GTF2H4: variants seen among roughly 807,000 people sequenced by gnomAD.
GTF2H4 encodes the protein general transcription factor IIH subunit 4, also known as BTF2 p52.
In GTF2H4, 49 loss-of-function variants were observed where a neutral mutation model predicts 62.2. The ratio of observed to expected loss-of-function variants is 0.79; its 90% CI spans 0.63 to 1.00. The LOEUF (loss-of-function observed/expected upper bound fraction) is 1.00, where lower values mean the gene tolerates loss of function less well. Among genes scored for constraint, GTF2H4 ranks in the 50% least tolerant of loss-of-function variants. GTF2H4 has a pLI of 0.00. For synonymous variants in GTF2H4, 189 were observed against 233.8 expected, an observed-to-expected ratio of 0.81 and a Z score of 1.75; for missense variants, 479 against 587.8, an observed-to-expected ratio of 0.81 and a Z score of 1.91.
chr6:30,911,120 C>G lies in GTF2H4; in HGVS notation c.561-38C>G. 1 of 1,495,494 alleles carries G rather than the reference C, an allele frequency of 6.7e-7. No homozygotes were observed. Among genetic ancestry groups the G allele is most frequent in the Non-Finnish European group, 9.3e-7 (1 of 1,073,082 alleles). 92.6% of individuals were successfully genotyped at this position (1,495,494 alleles called of 1,614,324 possible). The stretch of plus-strand genomic sequence containing the variant: ...GACAAGTGGGGATAGTAGTCTTTCT[C>G]TGCATATCACCATCATTGTCCTGGT... On this transcript the variant is annotated intron_variant, in intron 6 of 13. Coordinates refer to ENST00000259895, the MANE Select transcript of GTF2H4 (RefSeq NM_001517.5). The surrounding 1 kb of genome is among the most constrained non-coding windows in gnomAD (Gnocchi z 4.3).
rs766921348 is a variant in GTF2H4, at chr6:30,910,866, T to A, written c.485T>A (p.Phe162Tyr). ...AEERWEVVLH[F>Y]MVGSPSAAVS... ...TCTGTTCTTCAGGTGGTCTTGCACT[T>A]CATGGTGGGCTCCCCCAGTGCAGCT... Residue 162 changes from phenylalanine (F) to tyrosine (Y), a missense_variant, in exon 6 of 14, where the codon TTC (phenylalanine) becomes TAC (tyrosine). Phe to Tyr is a conservative substitution (Grantham distance 22). Coordinates refer to ENST00000259895, the MANE Select transcript of GTF2H4 (RefSeq NM_001517.5). The surrounding 1 kb of genome is among the most constrained non-coding windows in gnomAD (Gnocchi z 4.7). 5.6e-6 allele frequency: 9 copies of A among 1,612,418 alleles called. No individual in the cohort carries two copies. In the South Asian group the frequency reaches 9.9e-5, roughly 18 times the overall value.
chr6:30,909,618 T>G lies in GTF2H4; in HGVS notation c.242+79T>G. The G allele has an allele frequency of 1.2e-6, 1 of 840,804 alleles. No individual in the cohort carries two copies. The highest frequency in any genetic ancestry group is 2.0e-6 in the Non-Finnish European group (1 of 503,576). 52.1% of individuals were successfully genotyped at this position (840,804 alleles called of 1,614,324 possible). ...TTCCTTGGAGCACTTCCAGGAAGTG[T>G]TAATAGATATATCACAAAACTTAAA... On this transcript the variant is annotated intron_variant, in intron 3 of 13. Transcript: ENST00000259895. This position sits in a 1 kb window ranked among gnomAD's most constrained non-coding sequence, Gnocchi z 4.3.
In GTF2H4 at chr6:30,911,435, G is replaced by A. The variant is rs762153930; in HGVS notation, c.677G>A (p.Arg226Gln). The A allele has an allele frequency of 7.4e-6, 12 of 1,613,374 alleles. No individual in the cohort carries two copies. The highest frequency in any genetic ancestry group is 1.7e-5 in the Admixed American group (1 of 60,016). Residue 226 changes from arginine (R) to glutamine (Q), a missense_variant, in exon 8 of 14, where the codon CGG becomes CAG. Arg to Gln is a conservative substitution (Grantham distance 43, BLOSUM62 1). Coordinates refer to ENST00000259895, the MANE Select transcript of GTF2H4 (RefSeq NM_001517.5). The surrounding 1 kb of genome is among the most constrained non-coding windows in gnomAD (Gnocchi z 4.3). ...MLQYLQTAQS[R>Q]GMDLVEILSF... ...TCTCTGCCTCTTTCTCCCTAGAGCC[G>A]GGGCATGGACCTGGTAGAGATTCTC...
chr6:30,913,255 G>A lies in GTF2H4; in HGVS notation c.1138-54G>A, dbSNP rs889960591. 1.9e-5 allele frequency: 31 copies of A among 1,612,278 alleles called. No individual in the cohort carries two copies. Among genetic ancestry groups the A allele is most frequent in the South Asian group, 9.9e-5 (9 of 90,978 alleles). On this transcript the variant is annotated intron_variant, in intron 12 of 13. Coordinates refer to ENST00000259895, the MANE Select transcript of GTF2H4 (RefSeq NM_001517.5). This position sits in a 1 kb window ranked among gnomAD's most constrained non-coding sequence, Gnocchi z 4.2. Reference sequence around the variant, plus strand: ...AAATCTGGGGAAGAAACAGAGGGCCGGGTTGTCTGGGGCAGTATTCTGAGT... The same window carrying A: ...AAATCTGGGGAAGAAACAGAGGGCCAGGTTGTCTGGGGCAGTATTCTGAGT...
chr6:30,913,127 G>A lies in GTF2H4; in HGVS notation c.1107G>A (p.Arg369=), dbSNP rs768314538. Residue 369 remains arginine, a synonymous_variant, in exon 12 of 14, where the codon AGG becomes AGA. Transcript: ENST00000259895. This position sits in a 1 kb window ranked among gnomAD's most constrained non-coding sequence, Gnocchi z 4.2. ...ITAQQIIHFL[R]TRAHPVMLKQ... is the part of the protein sequence containing the mutation. ...TTTCCTAGATAATCCATTTCCTAAG[G>A]ACAAGAGCCCACCCAGTGATGCTCA... 6.2e-7 allele frequency: 1 copy of A among 1,614,118 alleles called. No homozygotes were observed. Among genetic ancestry groups the A allele is most frequent in the South Asian group, 1.1e-5 (1 of 91,078 alleles).
intron 1 of GTF2H4, 60 bp from the exon 2 acceptor site, chr6:30,908,974 G>T (rs188259139): frequency 2.5e-6 from 4 of 1,596,648 alleles, no homozygotes; most frequent in Non-Finnish European, 3.4e-6. Context: ...CAGTTAGAAA[G>T]GTCAGGGGTG....
rs1161358363 is a variant in GTF2H4, at chr6:30,910,084, C to A, written c.374+21C>A. On this transcript the variant is annotated intron_variant, in intron 4 of 13. Coordinates refer to ENST00000259895, the MANE Select transcript of GTF2H4 (RefSeq NM_001517.5). The surrounding 1 kb of genome is among the most constrained non-coding windows in gnomAD (Gnocchi z 4.7). ...GGTGGGTATGTCACTTCTCTCTCTT[C>A]CTAAGCTAGGGCAGGGGAACTGCTG... 1 of 1,610,170 alleles carries A rather than the reference C, an allele frequency of 6.2e-7. No individual in the cohort carries two copies. The highest frequency in any genetic ancestry group is 2.2e-5 in the East Asian group (1 of 44,862).
Position 30,913,835 on chromosome 6 carries a change from C to T in GTF2H4, c.1241C>T (p.Ser414Leu), listed in dbSNP as rs1156489126. 6.3e-7 allele frequency: 1 copy of T among 1,599,416 alleles called. No homozygotes were observed. The highest frequency in any genetic ancestry group is 8.5e-7 in the Non-Finnish European group (1 of 1,172,362). The change falls in exon 14 of 14, where the codon TCG becomes TTG. Residue 414 changes from serine to leucine, a missense_variant. By Grantham distance (145) the Ser-to-Leu change is moderately radical. Transcript: ENST00000259895. This position sits in a 1 kb window ranked among gnomAD's most constrained non-coding sequence, Gnocchi z 4.2. ...GGTGTCCTGTATAACCAGTTCCTGT[C>T]GCAAGTGGACTTTGAGCTGCTGCTG... ...TEGVLYNQFL[S>L]QVDFELLLAH... is the part of the protein sequence containing the mutation.
At position 30,914,012 on chromosome 6, in the gene GTF2H4, C is replaced by CGGGAGGGACT; in HGVS notation, c.*32_*33insAGGGACTGGG. The CGGGAGGGACT allele has an allele frequency of 1.6e-6, 1 of 615,182 alleles. No homozygotes were observed. The highest frequency in any genetic ancestry group is 2.9e-6 in the Non-Finnish European group (1 of 346,492). 38.1% of individuals were successfully genotyped at this position (615,182 alleles called of 1,614,324 possible). A position where few individuals can be genotyped will look rare whatever the true frequency, so the allele number is the denominator to read the frequency against. On this transcript the variant is annotated 3_prime_UTR_variant, in exon 14 of 14. Coordinates refer to ENST00000259895, the MANE Select transcript of GTF2H4 (RefSeq NM_001517.5). The stretch of plus-strand genomic sequence containing the variant: ...CGCGGGACTTGGACACGGACCTCGG[C>CGGGAGGGACT]GGGCGGGACTGGGCGGGGCGGGGCA...
Position 30,913,221 on chromosome 6 carries a change from G to C in GTF2H4, c.1137+64G>C. On this transcript the variant is annotated intron_variant, in intron 12 of 13. Transcript: ENST00000259895. This position sits in a 1 kb window ranked among gnomAD's most constrained non-coding sequence, Gnocchi z 4.2. ...GTGATGACATGATGGAAAAGAAAAAGGGGCATCCAAATCTGGGGAAGAAAC... is the reference window on the plus strand; with the variant it reads ...GTGATGACATGATGGAAAAGAAAAACGGGCATCCAAATCTGGGGAAGAAAC... The C allele has an allele frequency of 2.5e-6, 4 of 1,612,716 alleles. No homozygotes were observed. Among genetic ancestry groups the C allele is most frequent in the South Asian group, 2.2e-5 (2 of 91,012 alleles).
chr6:30,909,145 C>T lies in GTF2H4; in HGVS notation c.109C>T (p.His37Tyr), dbSNP rs1793662782. Residue 37 changes from histidine (H) to tyrosine (Y), a missense_variant, in exon 2 of 14, where the codon CAC becomes TAC. Coordinates refer to ENST00000259895, the MANE Select transcript of GTF2H4 (RefSeq NM_001517.5). This position sits in a 1 kb window ranked among gnomAD's most constrained non-coding sequence, Gnocchi z 4.3. ...TGGGGTATTGGACCGATTGTATGGG[C>T]ACCCTGCCACATGTCTGGCTGTCTT... is the stretch of plus-strand genomic sequence containing the variant. ...SPGVLDRLYG[H>Y]PATCLAVFRE... 6.2e-7 allele frequency: 1 copy of T among 1,613,876 alleles called. No homozygotes were observed.
Position 30,913,576 on chromosome 6 carries a change from G to C in GTF2H4, c.1216+189G>C. Among the ~76,000 whole-genome samples, 1 of 152,224 alleles carries C rather than the reference G, an allele frequency of 6.6e-6. No homozygotes were observed. The highest frequency in any genetic ancestry group is 1.9e-4 in the East Asian group (1 of 5,204). On this transcript the variant is annotated intron_variant, in intron 13 of 13. Coordinates refer to ENST00000259895, the MANE Select transcript of GTF2H4 (RefSeq NM_001517.5). The surrounding 1 kb of genome is among the most constrained non-coding windows in gnomAD (Gnocchi z 4.2). ...ATGCACTTTGGATTTGGCTAGGTGA[G>C]GGAATAATTCACAGTAATTTGTATT...
chr6:30,913,153 A>C lies in GTF2H4; in HGVS notation c.1133A>C (p.Lys378Thr). ...ACAAGAGCCCACCCAGTGATGCTCA[A>C]ACAGGTATAGACAGGCTCCAAGATG... ...LRTRAHPVML[K>T]QTPVLPPTIT... Residue 378 changes from lysine (K) to threonine (T), a missense_variant, in exon 12 of 14, where the codon AAA becomes ACA. Lys to Thr is a moderately conservative substitution (Grantham distance 78, BLOSUM62 -1). Coordinates refer to ENST00000259895, the MANE Select transcript of GTF2H4 (RefSeq NM_001517.5). This position sits in a 1 kb window ranked among gnomAD's most constrained non-coding sequence, Gnocchi z 4.2. 6.2e-7 allele frequency: 1 copy of C among 1,614,180 alleles called. No individual in the cohort carries two copies. Among genetic ancestry groups the C allele is most frequent in the Admixed American group, 1.7e-5 (1 of 60,024 alleles).
Position 30,909,863 on chromosome 6 carries a change from G to A in GTF2H4, c.243-69G>A, listed in dbSNP as rs1793691284. 1.5e-5 allele frequency: 22 copies of A among 1,485,566 alleles called. No homozygotes were observed. Among genetic ancestry groups the A allele is most frequent in the Non-Finnish European group, 1.9e-5 (21 of 1,090,490 alleles). The allele number at this position is 1,485,566 out of a possible 1,614,324, so 92.0% of individuals were successfully genotyped here. A position where few individuals can be genotyped will look rare whatever the true frequency, so the allele number is the denominator to read the frequency against. On this transcript the variant is annotated intron_variant, in intron 3 of 13. Transcript: ENST00000259895. This position sits in a 1 kb window ranked among gnomAD's most constrained non-coding sequence, Gnocchi z 4.3. ...GGTCAGCAAGTTCAGAACAGGCAGA[G>A]ATGGTGGCTTTTATGGGCCTCCTTT...
At position 30,911,913 on chromosome 6, in the gene GTF2H4, G is replaced by C. The variant is rs1015095144; in HGVS notation, c.826-101G>C. The C allele has an allele frequency of 1.4e-6, 2 of 1,480,774 alleles. No individual in the cohort carries two copies. Among genetic ancestry groups the C allele is most frequent in the Non-Finnish European group, 1.9e-6 (2 of 1,077,518 alleles). The allele number at this position is 1,480,774 out of a possible 1,614,324, so 91.7% of individuals were successfully genotyped here. A position where few individuals can be genotyped will look rare whatever the true frequency, so the allele number is the denominator to read the frequency against. The stretch of plus-strand genomic sequence containing the variant: ...GGGTCTCTCGGGGGAGAGAAGTTGG[G>C]GGTTGAGGTTCTGCATCTTGGGAGG... On this transcript the variant is annotated intron_variant, in intron 9 of 13. Transcript: ENST00000259895. The surrounding 1 kb of genome is among the most constrained non-coding windows in gnomAD (Gnocchi z 4.3).
Position 30,913,709 on chromosome 6 carries a change from C to A in GTF2H4, c.1217-102C>A. 1 of 1,154,484 alleles carries A rather than the reference C, an allele frequency of 8.7e-7. No individual in the cohort carries two copies. The highest frequency in any genetic ancestry group is 1.2e-6 in the Non-Finnish European group (1 of 833,850). 71.5% of individuals were successfully genotyped at this position (1,154,484 alleles called of 1,614,324 possible). A position where few individuals can be genotyped will look rare whatever the true frequency, so the allele number is the denominator to read the frequency against. On this transcript the variant is annotated intron_variant, in intron 13 of 13. Coordinates refer to ENST00000259895, the MANE Select transcript of GTF2H4 (RefSeq NM_001517.5). The surrounding 1 kb of genome is among the most constrained non-coding windows in gnomAD (Gnocchi z 4.2). ...TTGCGGTGGGGGCAAGCCCAGACCG[C>A]GTCCAGGGCTGCCACCAAGGAGCTG...
At position 30,913,886 on chromosome 6, in the gene GTF2H4, T is replaced by G. The variant is rs756963964; in HGVS notation, c.1292T>G (p.Leu431Arg). The change falls in exon 14 of 14, where the codon CTC becomes CGC. Residue 431 changes from leucine (L) to arginine (R), a missense_variant. Transcript: ENST00000259895. The surrounding 1 kb of genome is among the most constrained non-coding windows in gnomAD (Gnocchi z 4.2). ...LLAHARELGV[L>R]VFENSAKRLM... Reference sequence around the variant, plus strand: ...GCCCACGCGCGGGAGCTGGGCGTGCTCGTGTTCGAGAACTCGGCCAAGCGG... The same window carrying G: ...GCCCACGCGCGGGAGCTGGGCGTGCGCGTGTTCGAGAACTCGGCCAAGCGG... 6.2e-7 allele frequency: 1 copy of G among 1,609,614 alleles called. No individual in the cohort carries two copies. The highest frequency in any genetic ancestry group is 1.3e-5 in the African/African-American group (1 of 74,626).
Position 30,911,255 on chromosome 6 carries a change from T to C in GTF2H4, c.658T>C (p.Leu220=). The C allele has an allele frequency of 6.2e-7, 1 of 1,613,258 alleles. No individual in the cohort carries two copies. The highest frequency in any genetic ancestry group is 8.5e-7 in the Non-Finnish European group (1 of 1,179,806). Residue 220 remains leucine, a synonymous_variant, in exon 7 of 14, where the codon TTG becomes CTG. Transcript: ENST00000259895. This position sits in a 1 kb window ranked among gnomAD's most constrained non-coding sequence, Gnocchi z 4.3. ...AQLWYFMLQY[L]QTAQSRGMDL... ...GCTCTGGTACTTTATGTTGCAGTAT[T>C]TGCAGACAGCCCAGGTGAGGAGGCA...
In GTF2H4 at chr6:30,910,638, C is replaced by CT. The variant is rs746646241; in HGVS notation, c.375-25dup. On this transcript the variant is annotated intron_variant, in intron 4 of 13. Coordinates refer to ENST00000259895, the MANE Select transcript of GTF2H4 (RefSeq NM_001517.5). This position sits in a 1 kb window ranked among gnomAD's most constrained non-coding sequence, Gnocchi z 4.7. ...GAGCCACTGCGCCTGGCCAGGGTTCCTTACTCTTGGCCCATCCTGGCCGTA... is the reference window on the plus strand; with the variant it reads ...GAGCCACTGCGCCTGGCCAGGGTTCCTTTACTCTTGGCCCATCCTGGCCGTA... 6.4e-7 allele frequency: 1 copy of CT among 1,571,282 alleles called. No homozygotes were observed. Among genetic ancestry groups the CT allele is most frequent in the African/African-American group, 1.3e-5 (1 of 74,110 alleles).
Sources: gnomAD v4.1 joint callset for allele counts (sites outside exome capture counted in the v4.1 genomes callset) on GRCh38, gnomAD v4.1.1 for gene constraint, Gnocchi (gnomAD v3.1) non-coding constraint, MANE v1.5 for transcripts, NCBI Gene and HGNC (gene_info 2026-07-23, HGNC 2026-07-21) for gene names.